NFKBIA: variants seen among roughly 807,000 people sequenced by gnomAD.
NFKBIA encodes the protein NF-kappa-B inhibitor alpha.
A neutral mutation model predicts 36.3 loss-of-function variants in NFKBIA; 10 were observed. The ratio of observed to expected loss-of-function variants is 0.28; its 90% CI spans 0.17 to 0.47. The LOEUF (loss-of-function observed/expected upper bound fraction) is 0.47. Ranked by LOEUF, NFKBIA falls within the 20% of genes least tolerant of loss-of-function variation. The pLI is 0.99. For missense variants in NFKBIA, 355 were observed against 399.3 expected (o/e 0.89, Z 0.94); for synonymous variants, 205 against 164.4 (o/e 1.25, Z -1.89).
At chr14:35,403,073 T>G in intron 3 of NFKBIA, 77 bp downstream of exon 3, 1 of 1,530,750 alleles carries the variant, frequency 6.5e-7, no homozygotes, top group Non-Finnish European at 9.0e-7. Context: ...CCTGGACTCC[T>G]TAAGTTGGCC....
chr14:35,402,316 G>C (rs907446895), intron 5 of NFKBIA, 78 bp downstream of exon 5: 1 of 1,548,922 alleles, frequency 6.5e-7, no homozygotes, highest in Non-Finnish European at 8.9e-7. Context: ...CTCTGATAAG[G>C]AGCAGCTCTA....
rs751353414 is a variant in NFKBIA at position 35,403,716 on chromosome 14, G to A, written c.310C>T (p.Leu104Phe). Residue 104 changes from leucine to phenylalanine, a missense_variant, in exon 2 of 6, where the codon CTC (leucine) becomes TTC (phenylalanine). Physicochemically the swap from Leu to Phe is conservative, Grantham distance 22 (BLOSUM62 0). Coordinates refer to ENST00000216797, the MANE Select transcript of NFKBIA (RefSeq NM_020529.3). ...IRQVKGDLAF[L>F]NFQNNLQQTP... Reference sequence around the variant, plus strand: ...TGCTGCAGGTTGTTCTGGAAGTTGAGGAAGGCCAGGTCTCCCTTCACCTGG... The same window carrying A: ...TGCTGCAGGTTGTTCTGGAAGTTGAAGAAGGCCAGGTCTCCCTTCACCTGG... 12 of 1,613,748 alleles carry A rather than the reference G, an allele frequency of 7.4e-6. No individual in the cohort carries two copies. Among genetic ancestry groups the A allele is most frequent in the Admixed American group, 3.3e-5 (2 of 59,992 alleles).
Position 35,401,987 on chromosome 14 carries a change from T to C in NFKBIA, c.*26A>G. On this transcript the variant is annotated 3_prime_UTR_variant, in exon 6 of 6. Transcript: ENST00000216797. ...CTTTTTTTTTGTACAAATATACAAG[T>C]CCATGTTCTTTCAGCCCCTTTGCGC... 6.2e-7 allele frequency: 1 copy of C among 1,612,582 alleles called. No homozygotes were observed. The highest frequency in any genetic ancestry group is 1.1e-5 in the South Asian group (1 of 91,052).
chr14:35,402,249 C>A, intron 5 of NFKBIA, 145 bp downstream of exon 5: 1 of 391,668 alleles, frequency 2.6e-6, no homozygotes. Context: ...GGGGCAGGTA[C>A]ATTCTTGGGA....
In NFKBIA at chr14:35,404,654, G is replaced by GAGCTGCGGGCGC; in HGVS notation, c.-22_-11dup. ...CGGCCGCCTGGAACATGGCGCGGACGAGCTGCGGGCGCTGCTGCGGGTGCG... is the reference window on the plus strand; with the variant it reads ...CGGCCGCCTGGAACATGGCGCGGACGAGCTGCGGGCGCAGCTGCGGGCGCTGCTGCGGGTGCG... On this transcript the variant is annotated 5_prime_UTR_variant, in exon 1 of 6. Transcript: ENST00000216797. The GAGCTGCGGGCGC allele has an allele frequency of 6.8e-7, 1 of 1,470,736 alleles. No homozygotes were observed. The highest frequency in any genetic ancestry group is 1.5e-5 in the African/African-American group (1 of 68,218). The allele number at this position is 1,470,736 out of a possible 1,614,324, so 91.1% of individuals were successfully genotyped here. A position where few individuals can be genotyped will look rare whatever the true frequency, so the allele number is the denominator to read the frequency against.
chr14:35,403,649 T>C lies in NFKBIA; in HGVS notation c.336+41A>G, dbSNP rs776193520. ...GGGTGACTCTGCTACATCAGCTACG[T>C]CCCAGGGTCAGAGAGAACCCGGGCC... On this transcript the variant is annotated intron_variant, in intron 2 of 5. Coordinates refer to ENST00000216797, the MANE Select transcript of NFKBIA (RefSeq NM_020529.3). The C allele has an allele frequency of 1.3e-5, 18 of 1,433,480 alleles. No homozygotes were observed. The East Asian group carries it at 3.9e-4, about 31-fold the overall frequency. The allele number at this position is 1,433,480 out of a possible 1,614,324, so 88.8% of individuals were successfully genotyped here. A position where few individuals can be genotyped will look rare whatever the true frequency, so the allele number is the denominator to read the frequency against.
intron 5 of NFKBIA, 88 bp from the exon 6 acceptor site, chr14:35,402,148 A>C (rs907482618): frequency 2.8e-5 from 41 of 1,485,476 alleles, no homozygotes; most frequent in Non-Finnish European, 3.5e-5. Context: ...ACTGGAAATA[A>C]CTCTTGGACT....
intron 1 of NFKBIA, 116 bp from the exon 2 acceptor site, chr14:35,403,914 G>A (rs1274032017): frequency 9.2e-6 from 7 of 763,388 alleles, no homozygotes; most frequent in Non-Finnish European, 1.6e-5. Context: ...CGAGGCCGCG[G>A]TGTTTTCCGC....
chr14:35,403,462 A>G, intron 2 of NFKBIA, 102 bp from the exon 3 acceptor site: 1 of 1,306,670 alleles, frequency 7.7e-7, no homozygotes, highest in Admixed American at 1.9e-5. Context: ...CTCCTCCTAG[A>G]CAGGGGGGTG....
chr14:35,403,629 ACT>A lies in NFKBIA; in HGVS notation c.336+59_336+60del, dbSNP rs11569599. 107,455 of 1,208,680 alleles carry A rather than the reference ACT, an allele frequency of 0.089. 5,238 individuals are homozygous for A. Among genetic ancestry groups the A allele is most frequent in the South Asian group, 0.13 (10,340 of 80,072 alleles). The allele number at this position is 1,208,680 out of a possible 1,614,324, so 74.9% of individuals were successfully genotyped here. ...CTGAATTCAGAAAGGATCTGGGGTG[ACT>A]CTGCTACATCAGCTACGTCCCAGGG... is the stretch of plus-strand genomic sequence containing the variant. On this transcript the variant is annotated intron_variant, in intron 2 of 5. Coordinates refer to ENST00000216797, the MANE Select transcript of NFKBIA (RefSeq NM_020529.3).
chr14:35,404,083 C>T (rs1045472018), intron 1 of NFKBIA: 1 of 464,988 alleles, frequency 2.2e-6, no homozygotes, highest in African/African-American at 2.1e-5. Flanking sequence ...CGCCAGCGGC[C>T]AGAAACTCCC....
chr14:35,403,837 T>A, intron 1 of NFKBIA, 39 bp from the exon 2 acceptor site: 1 of 1,485,326 alleles, frequency 6.7e-7, no homozygotes, highest in Non-Finnish European at 9.3e-7. Context: ...GGGTGGTGAG[T>A]GCACCGCGTG....
intron 2 of NFKBIA, 51 bp from the exon 3 acceptor site, chr14:35,403,411 C>A (rs1483670463): frequency 1.2e-5 from 19 of 1,586,666 alleles, no homozygotes; most frequent in Non-Finnish European, 1.5e-5. Context: ...CAAACCCACA[C>A]CCCGAGTTCC....
intron 1 of NFKBIA, 91 bp from the exon 2 acceptor site, chr14:35,403,889 G>A: frequency 3.2e-6 from 3 of 946,418 alleles, no homozygotes; most frequent in Non-Finnish European, 5.0e-6. Context: ...GCGCAAGGCC[G>A]GGGTTTCTGG....
chr14:35,402,233 A>AGAGTAAGCTATTAAAAAAAG (rs1190506789), intron 5 of NFKBIA, among the ~76,000 whole-genome samples, 161 bp downstream of exon 5: 36 of 143,372 alleles, frequency 2.5e-4, no homozygotes, highest in African/African-American at 1.0e-3. Flanking sequence ...CTTTAAAAAA[A>AGAGTAAGCTATTAAAAAAAG]GAGGGGGGGC....
In NFKBIA at chr14:35,402,074, G is replaced by GA. The variant is rs775742609; in HGVS notation, c.907-15dup. The GA allele has an allele frequency of 5.6e-6, 9 of 1,614,062 alleles. No individual in the cohort carries two copies. The highest frequency in any genetic ancestry group is 3.3e-5 in the Admixed American group (2 of 60,006). On this transcript the variant is annotated splice_polypyrimidine_tract_variant and intron_variant, in intron 5 of 5. Transcript: ENST00000216797. The stretch of plus-strand genomic sequence containing the variant: ...ATCATAGGGCAGCTGAAAACAAGGG[G>GA]AAAAAAGACACGTTAAGCTTCCGGA...
chr14:35,404,593 C>A lies in NFKBIA; in HGVS notation c.52G>T (p.Asp18Tyr), dbSNP rs746636446. Reference sequence around the variant, plus strand: ...AGTAGCCGCTCCTTCTTCAGCCCGTCGCGGGGGCCCTCCATGGCCCACTCC... The same window carrying A: ...AGTAGCCGCTCCTTCTTCAGCCCGTAGCGGGGGCCCTCCATGGCCCACTCC... ...PQEWAMEGPR[D>Y]GLKKERLLDD... Residue 18 changes from aspartate to tyrosine, a missense_variant, in exon 1 of 6, where the codon GAC becomes TAC. Asp to Tyr is a radical substitution (Grantham distance 160, BLOSUM62 -3). Coordinates refer to ENST00000216797, the MANE Select transcript of NFKBIA (RefSeq NM_020529.3). 2 of 1,578,512 alleles carry A rather than the reference C, an allele frequency of 1.3e-6. No homozygotes were observed. Among genetic ancestry groups the A allele is most frequent in the East Asian group, 2.4e-5 (1 of 41,610 alleles).
rs1566589938 is a variant in NFKBIA, at chr14:35,402,412, CGTGAACTCT to C, written c.879_887del (p.Phe298_Glu300del). The C allele has an allele frequency of 1.9e-6, 3 of 1,613,996 alleles. No homozygotes were observed. The African/African-American group carries it at 4.0e-5, about 22-fold the overall frequency. ...GACTCACCTCGTCCTCTGTGAACTC[CGTGAACTCT>C]GACTCTGTGTCATAGCTCTCCTCAT... On this transcript the variant is annotated inframe_deletion, in exon 5 of 6. Coordinates refer to ENST00000216797, the MANE Select transcript of NFKBIA (RefSeq NM_020529.3).
intron 4 of NFKBIA, 23 bp downstream of exon 4, chr14:35,402,748 C>G (rs776562147): frequency 1.2e-6 from 2 of 1,613,614 alleles, no homozygotes; most frequent in African/African-American, 1.3e-5. Flanking sequence ...TGACTCAGTG[C>G]GTCGGGGGCA....
Sources: allele counts gnomAD v4.1 joint callset (sites outside exome capture counted in the v4.1 genomes callset), GRCh38; gene constraint gnomAD v4.1.1; transcripts MANE v1.5; gene names NCBI Gene and HGNC (gene_info 2026-07-23, HGNC 2026-07-21).